ZNF382: variants seen among roughly 807,000 people sequenced by gnomAD.
ZNF382 encodes KRAB/zinc finger suppressor protein 1.
Under a neutral mutation model 38.8 loss-of-function variants are expected in ZNF382, and 20 were observed. The ratio of observed to expected loss-of-function variants is 0.51; its 90% CI spans 0.36 to 0.75. The LOEUF is 0.75. ZNF382 is among the 30% of genes least tolerant of loss of function. The pLI, the probability that ZNF382 is intolerant of heterozygous loss-of-function variation, is 0.00. For missense variants in ZNF382, 546 were observed against 654.1 expected, an observed-to-expected ratio of 0.83 and a Z score of 1.80; for synonymous variants, 202 against 223.1, an observed-to-expected ratio of 0.91 and a Z score of 0.84.
intron 1 of ZNF382, among the ~76,000 whole-genome samples, chr19:36,607,077 C>CAAAA (rs536882974): frequency 5.6e-5 from 5 of 88,870 alleles, no homozygotes; most frequent in African/African-American, 1.7e-4. Context: ...AACTCTGTCT[C>CAAAA]AAAAAAAAAA....
Position 36,631,788 on chromosome 19 carries a change from A to G in ZNF382, c.*4238A>G, listed in dbSNP as rs895017864. On this transcript the variant is annotated 3_prime_UTR_variant, in exon 5 of 5. Transcript: ENST00000292928. ...TTTCATCTAACTTATATATTGCTCAATGAAGTTTGGGCAACTCTAAGGAGC... is the reference window on the plus strand; with the variant it reads ...TTTCATCTAACTTATATATTGCTCAGTGAAGTTTGGGCAACTCTAAGGAGC... The G allele has an allele frequency of 3.9e-5, 6 of 152,148 alleles. No homozygotes were observed. The highest frequency in any genetic ancestry group is 8.8e-5 in the Non-Finnish European group (6 of 68,024). 9.4% of individuals were successfully genotyped at this position (152,148 alleles called of 1,614,324 possible). A position where few individuals can be genotyped will look rare whatever the true frequency, so the allele number is the denominator to read the frequency against.
chr19:36,627,189 C>G lies in ZNF382; in HGVS notation c.1292C>G (p.Thr431Arg), dbSNP rs572109074. ...CTCACTGTTCATCAGAGAACTCACA[C>G]AGGAGAGAAACCCTATATTTGCAAT... ...TTLTVHQRTH[T>R]GEKPYICNEC... The change falls in exon 5 of 5, where the codon ACA (threonine) becomes AGA (arginine). Residue 431 changes from threonine to arginine, a missense_variant. By Grantham distance (71) the Thr-to-Arg change is moderately conservative. Transcript: ENST00000292928. 1 of 1,614,086 alleles carries G rather than the reference C, an allele frequency of 6.2e-7. No individual in the cohort carries two copies. The highest frequency in any genetic ancestry group is 1.1e-5 in the South Asian group (1 of 91,074).
chr19:36,608,580 A>C (rs907763638), intron 2 of ZNF382: 4 of 152,130 alleles, frequency 2.6e-5, no homozygotes, highest in African/African-American at 9.7e-5. Context: ...TCTTCTTCAC[A>C]GTCCGTTTTT....
In ZNF382 at chr19:36,628,146, GTTTA is replaced by G. The variant is rs992232900; in HGVS notation, c.*604_*607del. 5 of 152,184 alleles carry G rather than the reference GTTTA, an allele frequency of 3.3e-5. No individual in the cohort carries two copies. Among genetic ancestry groups the G allele is most frequent in the East Asian group, 3.8e-4 (2 of 5,198 alleles). The allele number at this position is 152,184 out of a possible 1,614,324, so 9.4% of individuals were successfully genotyped here. ...CTAATCATTAGTACGTGTGGCAGAA[GTTTA>G]TTTATTTTTATCCAGTATAGAATTC... On this transcript the variant is annotated 3_prime_UTR_variant, in exon 5 of 5. Transcript: ENST00000292928.
At chr19:36,607,870 G>C in intron 2 of ZNF382, 1 of 430,918 alleles carries the variant, frequency 2.3e-6, no homozygotes, top group South Asian at 5.5e-5. Context: ...ATCCAGCCCT[G>C]TTCACAATTT....
chr19:36,614,880 C>CTTCCT (rs376641731), intron 4 of ZNF382, among the ~76,000 whole-genome samples: 4,933 of 89,812 alleles, frequency 0.055, 320 homozygotes, highest in Middle Eastern at 0.09. Context: ...TTCTTTCTTT[C>CTTCCT]TTCCTTTCCT....
chr19:36,609,742 A>C, intron 2 of ZNF382, 160 bp from the exon 3 acceptor site: 2 of 664,572 alleles, frequency 3.0e-6, no homozygotes, highest in Non-Finnish European at 4.7e-6. Flanking sequence ...GTGTGATCTC[A>C]GTATGTTTAG....
At chr19:36,610,466 GAAAA>G in intron 3 of ZNF382, 180 bp from the exon 4 acceptor site, 1 of 442,176 alleles carries the variant, frequency 2.3e-6, no homozygotes, top group Non-Finnish European at 4.0e-6. Context: ...AAAAAAAAAA[GAAAA>G]GAAAAGGAAA....
intron 4 of ZNF382, among the ~76,000 whole-genome samples, chr19:36,614,156 A>T (rs1278967131): frequency 6.6e-6 from 1 of 151,932 alleles, no homozygotes; most frequent in Admixed American, 6.6e-5. Flanking sequence ...CCTGGCCAAC[A>T]TGGTGAAACT....
chr19:36,620,298 A>T (rs2037158828), intron 4 of ZNF382, among the ~76,000 whole-genome samples: 1 of 152,140 alleles, frequency 6.6e-6, no homozygotes, highest in Admixed American at 6.6e-5. Context: ...ATCATTCTTG[A>T]TATCTGCCAG....
chr19:36,620,576 GT>G (rs2037161220), intron 4 of ZNF382, among the ~76,000 whole-genome samples: 1 of 152,036 alleles, frequency 6.6e-6, no homozygotes, highest in Admixed American at 6.6e-5. Flanking sequence ...TGATTTCCTT[GT>G]TTTATGTGAA....
At chr19:36,623,221 T>C (rs1295568247) in intron 4 of ZNF382, among the ~76,000 whole-genome samples, 2 of 152,194 alleles carry the variant, frequency 1.3e-5, no homozygotes, top group African/African-American at 4.8e-5. Context: ...CTAAGTTCTT[T>C]TTAGGGGTAC....
intron 4 of ZNF382, among the ~76,000 whole-genome samples, chr19:36,620,906 G>A (rs2037163773): frequency 1.3e-5 from 2 of 151,964 alleles, no homozygotes; most frequent in South Asian, 2.1e-4. Context: ...TTACAGGCAC[G>A]TGCCACCACG....
At chr19:36,607,484 G>A (rs1038814336) in intron 1 of ZNF382, 68 bp from the exon 2 acceptor site, 1 of 936,456 alleles carries the variant, frequency 1.1e-6, no homozygotes, top group South Asian at 1.5e-5. Flanking sequence ...ATTTAACTGA[G>A]TTAATTCTGG....
intron 4 of ZNF382, among the ~76,000 whole-genome samples, chr19:36,623,164 C>T (rs1345969788): frequency 6.6e-6 from 1 of 152,102 alleles, no homozygotes; most frequent in African/African-American, 2.4e-5. Flanking sequence ...ATTGTCGTGC[C>T]ATGCAAGCGA....
At chr19:36,623,081 A>G (rs1027668475) in intron 4 of ZNF382, among the ~76,000 whole-genome samples, 1 of 152,180 alleles carries the variant, frequency 6.6e-6, no homozygotes, top group African/African-American at 2.4e-5. Context: ...ATTCCCCAAA[A>G]TAAGGTCCTC....
chr19:36,619,425 C>T (rs577421744), intron 4 of ZNF382, among the ~76,000 whole-genome samples: 3 of 152,260 alleles, frequency 2.0e-5, no homozygotes, highest in Admixed American at 6.5e-5. Context: ...ATTGCTCTTC[C>T]GGAGGTCCAG....
Position 36,627,655 on chromosome 19 carries a change from G to T in ZNF382, c.*105G>T. 1.4e-6 allele frequency: 1 copy of T among 704,830 alleles called. No individual in the cohort carries two copies. The allele number at this position is 704,830 out of a possible 1,614,324, so 43.7% of individuals were successfully genotyped here. The stretch of plus-strand genomic sequence containing the variant: ...ACAGTTTAAGGTACTATACCACATG[G>T]TAACCTACTGTTTGCCAGCCTGTAA... On this transcript the variant is annotated 3_prime_UTR_variant, in exon 5 of 5. Transcript: ENST00000292928.
chr19:36,619,250 T>G (rs562866142), intron 4 of ZNF382, among the ~76,000 whole-genome samples: 5 of 152,058 alleles, frequency 3.3e-5, no homozygotes, highest in Non-Finnish European at 7.4e-5. Flanking sequence ...GAAAGCAACT[T>G]GATTGATTAA....
Sources: gnomAD v4.1 joint callset for allele counts (sites outside exome capture counted in the v4.1 genomes callset) on GRCh38, gnomAD v4.1.1 for gene constraint, MANE v1.5 for transcripts, NCBI Gene and HGNC (gene_info 2026-07-23, HGNC 2026-07-21) for gene names.